The following ACSM3 variants were observed in gnomAD, a reference collection of about 807,000 sequenced individuals.
ACSM3 encodes acyl-coenzyme A synthetase ACSM3, mitochondrial.
ACSM3 carries 61 observed loss-of-function variants against 74.1 expected under a neutral mutation model. The ratio of observed to expected loss-of-function variants is 0.82; its 90% CI spans 0.67 to 1.02. The LOEUF is 1.02. ACSM3 is among the 50% of genes least tolerant of loss of function. The pLI is 0.00. For synonymous variants in ACSM3, 213 were observed against 241.5 expected (o/e 0.88, Z 1.09); for missense variants, 660 against 697.0 (o/e 0.95, Z 0.60).
rs12921541 is a variant in ACSM3 at position 20,707,520 on chromosome 16, G to C, written c.-190+32698G>C. On this transcript the variant is annotated intron_variant, in intron 1 of 3. Transcript: ENST00000561584. ...GAAGTAGACCATCAGCCCAGTACCA[G>C]CCCTTTGGACCAAGGTCCTGGAGAC... Among the ~76,000 whole-genome samples, 1,217 of 152,248 alleles carry C rather than the reference G, an allele frequency of 8.0e-3. 12 individuals are homozygous for C. The highest frequency in any genetic ancestry group is 0.013 in the Non-Finnish European group (851 of 68,030).
At chr16:20,742,810 TATA>T (rs1353290775) in intron 1 of ACSM3, among the ~76,000 whole-genome samples, 119 of 34,718 alleles carry the variant, frequency 3.4e-3, no homozygotes, top group African/African-American at 7.3e-3. Context: ...TATATATATA[TATA>T]TTTTTTTTTT....
chr16:20,748,007 C>G (rs1196639505), intron 1 of ACSM3, among the ~76,000 whole-genome samples: 1 of 152,022 alleles, frequency 6.6e-6, no homozygotes, highest in Non-Finnish European at 1.5e-5. Flanking sequence ...TGTGGTGGTG[C>G]ACACCTGTGG....
At chr16:20,690,614 T>G (rs893176159) in intron 1 of ACSM3, among the ~76,000 whole-genome samples, 1 of 152,106 alleles carries the variant, frequency 6.6e-6, no homozygotes, top group Non-Finnish European at 1.5e-5. Flanking sequence ...AAGCCCAAGT[T>G]TGATGACATG....
At chr16:20,731,587 G>C (rs963514120) in intron 1 of ACSM3, 1 of 279,712 alleles carries the variant, frequency 3.6e-6, no homozygotes, top group Non-Finnish European at 6.6e-6. Context: ...TGATGTGTCT[G>C]AAAAACAGAG....
intron 1 of ACSM3, among the ~76,000 whole-genome samples, chr16:20,685,831 ACAAAC>A (rs757465230): frequency 0.1 from 11,720 of 115,492 alleles, 2,138 homozygotes; most frequent in African/African-American, 0.19. Flanking sequence ...AAAAAAAAAA[ACAAAC>A]AAAAAAAAAA....
Position 20,791,976 on chromosome 16 carries a change from A to C in ACSM3, c.1327-26A>C, listed in dbSNP as rs533783607. 1.6e-5 allele frequency: 26 copies of C among 1,612,198 alleles called. No individual in the cohort carries two copies. The South Asian group carries it at 2.9e-4, about 18-fold the overall frequency. On this transcript the variant is annotated intron_variant, in intron 10 of 13. Transcript: ENST00000289416. ...GACCAGAAGAGTTGGATTCACCATAACAACAAAATGCTATTTGTTTTGCAG... is the reference window on the plus strand; with the variant it reads ...GACCAGAAGAGTTGGATTCACCATACCAACAAAATGCTATTTGTTTTGCAG...
At chr16:20,727,291 GA>G in intron 1 of ACSM3, 1 of 544,348 alleles carries the variant, frequency 1.8e-6, no homozygotes. Flanking sequence ...ATCTTGCAGG[GA>G]AAGCACTCAG....
chr16:20,737,425 A>C, intron 1 of ACSM3: 1 of 903,244 alleles, frequency 1.1e-6, no homozygotes, highest in Non-Finnish European at 1.6e-6. Context: ...AAATAATCTG[A>C]ACCCTTACAA....
intron 1 of ACSM3, among the ~76,000 whole-genome samples, chr16:20,715,623 CA>C (rs149578773): frequency 6.6e-6 from 1 of 150,888 alleles, no homozygotes. Flanking sequence ...CAAAACAAAA[CA>C]AAAAAAAATC....
chr16:20,689,342 A>G (rs950036271), intron 1 of ACSM3, among the ~76,000 whole-genome samples: 24 of 152,264 alleles, frequency 1.6e-4, no homozygotes, highest in African/African-American at 5.8e-4. Flanking sequence ...AAAGTGTGTC[A>G]CTACAAAAAC....
chr16:20,718,325 C>T (rs775633503), intron 1 of ACSM3: 35 of 769,826 alleles, frequency 4.5e-5, no homozygotes, highest in Non-Finnish European at 5.9e-5. Context: ...ACACCACCAT[C>T]TTGGGGTCCA....
chr16:20,695,970 A>C (rs966318027), intron 1 of ACSM3, among the ~76,000 whole-genome samples: 43 of 152,356 alleles, frequency 2.8e-4, no homozygotes, highest in African/African-American at 1.0e-3. Flanking sequence ...GATCACATAT[A>C]CAGAGTGGCC....
intron 1 of ACSM3, among the ~76,000 whole-genome samples, chr16:20,702,444 C>T (rs1410551232): frequency 1.3e-5 from 2 of 152,206 alleles, no homozygotes; most frequent in Non-Finnish European, 2.9e-5. Context: ...AAACTCCTGA[C>T]CTCGTGATCT....
chr16:20,706,452 A>G (rs1226805259), intron 1 of ACSM3, among the ~76,000 whole-genome samples: 4 of 152,206 alleles, frequency 2.6e-5, no homozygotes, highest in South Asian at 4.1e-4. Flanking sequence ...ACATTCCCCA[A>G]TGGCAACAAT....
intron 4 of ACSM3, 32 bp from the exon 5 acceptor site, chr16:20,780,682 A>G: frequency 6.2e-7 from 1 of 1,614,234 alleles, no homozygotes; most frequent in Admixed American, 1.7e-5. Context: ...TGCTGTGTTT[A>G]ACATGCAGTC....
chr16:20,792,420 A>T, intron 12 of ACSM3, 85 bp downstream of exon 12: 1 of 1,575,276 alleles, frequency 6.3e-7, no homozygotes, highest in East Asian at 2.2e-5. Context: ...AAACAGAATT[A>T]ACCAAATGAT....
In ACSM3 at chr16:20,770,112, G is replaced by A; in HGVS notation, c.78G>A (p.Arg26=). Residue 26 remains arginine (R), a synonymous_variant, in exon 2 of 14, where the codon AGG becomes AGA. Coordinates refer to ENST00000289416, the MANE Select transcript of ACSM3 (RefSeq NM_005622.4). Reference sequence around the variant, plus strand: ...GCCTAGCAATTTTTGGTTCTGTGAGGGCACTGCATAAAGATAATAGAACAG... The same window carrying A: ...GCCTAGCAATTTTTGGTTCTGTGAGAGCACTGCATAAAGATAATAGAACAG... ...FQRLAIFGSV[R]ALHKDNRTAT... 1 of 1,614,070 alleles carries A rather than the reference G, an allele frequency of 6.2e-7. No individual in the cohort carries two copies. Among genetic ancestry groups the A allele is most frequent in the East Asian group, 2.2e-5 (1 of 44,872 alleles).
At chr16:20,739,036 C>G in intron 1 of ACSM3, 1 of 1,614,216 alleles carries the variant, frequency 6.2e-7, no homozygotes. Flanking sequence ...CATCCTCTCC[C>G]TCACTTCCAG....
chr16:20,676,435 C>A (rs1011132596), intron 1 of ACSM3, among the ~76,000 whole-genome samples: 15 of 152,220 alleles, frequency 9.9e-5, no homozygotes, highest in Non-Finnish European at 1.3e-4. Context: ...TGGTTGTACA[C>A]TCTGTTTAAC....
Sources: allele counts gnomAD v4.1 joint callset (sites outside exome capture counted in the v4.1 genomes callset), GRCh38; gene constraint gnomAD v4.1.1; transcripts MANE v1.5; gene names NCBI Gene and HGNC (gene_info 2026-07-23, HGNC 2026-07-21).